Variants in DLG2 observed in about 807,000 individuals in gnomAD.
The protein encoded by DLG2 is disks large homolog 2.
A neutral mutation model predicts 132.5 loss-of-function variants in DLG2; 45 were observed. That is an observed-to-expected ratio of 0.34 (90% CI 0.27 to 0.44). The LOEUF is 0.44. Among genes scored for constraint, DLG2 ranks in the 20% least tolerant of loss-of-function variants. The probability of loss-of-function intolerance (pLI) is 1.00; values close to 1 mark genes in which losing one functional copy is unlikely to be tolerated. For missense variants in DLG2, 1,045 were observed against 1,196.9 expected (o/e 0.87, Z 1.87); for synonymous variants, 424 against 419.6 (o/e 1.01, Z -0.13).
intron 6 of DLG2, among the ~76,000 whole-genome samples, chr11:85,003,274 T>C (rs1416285690): frequency 6.6e-6 from 1 of 152,138 alleles, no homozygotes; most frequent in Non-Finnish European, 1.5e-5. Flanking sequence ...AAAAAATTTC[T>C]GGGAGAATTG....
At chr11:85,104,514 G>C (rs2071379894) in intron 6 of DLG2, among the ~76,000 whole-genome samples, 1 of 151,812 alleles carries the variant, frequency 6.6e-6, no homozygotes, top group African/African-American at 2.4e-5. Flanking sequence ...CAAATCCATA[G>C]AAACAGAAAG....
At chr11:84,831,665 T>G (rs2079071162) in intron 6 of DLG2, among the ~76,000 whole-genome samples, 1 of 151,610 alleles carries the variant, frequency 6.6e-6, no homozygotes, top group Non-Finnish European at 1.5e-5. Flanking sequence ...AATTCAACAC[T>G]GCCTAATAAA....
At chr11:84,851,336 T>A (rs2082139590) in intron 6 of DLG2, among the ~76,000 whole-genome samples, 1 of 152,120 alleles carries the variant, frequency 6.6e-6, no homozygotes, top group Non-Finnish European at 1.5e-5. Context: ...TTATTTTTAT[T>A]GCTATATAGT....
intron 7 of DLG2, among the ~76,000 whole-genome samples, chr11:84,336,156 C>A (rs776090562): frequency 6.6e-6 from 1 of 152,086 alleles, no homozygotes; most frequent in Non-Finnish European, 1.5e-5. Flanking sequence ...TCTGAGTGCA[C>A]GCTTAGTTTG....
Position 83,891,880 on chromosome 11 carries a change from G to T in DLG2, c.1497-17392C>A, listed in dbSNP as rs1268317264. Among the ~76,000 whole-genome samples the T allele has an allele frequency of 2.0e-5, 3 of 152,164 alleles. No homozygotes were observed. The East Asian group carries it at 5.8e-4, about 29-fold the overall frequency. On this transcript the variant is annotated intron_variant, in intron 15 of 27. Coordinates refer to ENST00000376104, the MANE Select transcript of DLG2 (RefSeq NM_001142699.3). ...CTTCATGGGATCTGTTAGTCTGTTTGTATTAGCCTCATGGAAAAGCCCCAG... is the reference window on the plus strand; with the variant it reads ...CTTCATGGGATCTGTTAGTCTGTTTTTATTAGCCTCATGGAAAAGCCCCAG...
chr11:84,531,541 ACC>A (rs1284877117), intron 7 of DLG2, among the ~76,000 whole-genome samples: 1 of 152,202 alleles, frequency 6.6e-6, no homozygotes, highest in African/African-American at 2.4e-5. Context: ...CATAAACAAC[ACC>A]TCGAGAAGGT....
At chr11:83,678,467 G>T (rs1197927103) in intron 18 of DLG2, among the ~76,000 whole-genome samples, 2 of 152,152 alleles carry the variant, frequency 1.3e-5, no homozygotes, top group African/African-American at 4.8e-5. Context: ...TCATGCAGAT[G>T]TGTGGACATC....
chr11:85,000,012 C>CT (rs5793150), intron 6 of DLG2, among the ~76,000 whole-genome samples: 107,307 of 151,866 alleles, frequency 0.71, 38,910 homozygotes, highest in East Asian at 0.92. Flanking sequence ...TCAGATCTTC[C>CT]CTTCAGCTCT....
At chr11:85,591,978 A>G (rs757726346) in intron 3 of DLG2, among the ~76,000 whole-genome samples, 4 of 152,222 alleles carry the variant, frequency 2.6e-5, no homozygotes, top group Non-Finnish European at 5.9e-5. Context: ...TGCAAATCCT[A>G]TTAATAACAA....
intron 6 of DLG2, among the ~76,000 whole-genome samples, chr11:84,952,341 C>T (rs2051042915): frequency 6.6e-6 from 1 of 152,008 alleles, no homozygotes; most frequent in Non-Finnish European, 1.5e-5. Flanking sequence ...CACGGTGAAA[C>T]CCCGTCTCTA....
At chr11:84,591,886 C>T (rs952097639) in intron 6 of DLG2, among the ~76,000 whole-genome samples, 3 of 152,114 alleles carry the variant, frequency 2.0e-5, no homozygotes, top group East Asian at 3.9e-4. Flanking sequence ...GACAGTCTTG[C>T]TCTGTCACCC....
chr11:83,588,566 T>G (rs2097133143), intron 19 of DLG2, among the ~76,000 whole-genome samples: 1 of 151,608 alleles, frequency 6.6e-6, no homozygotes, highest in African/African-American at 2.4e-5. Context: ...AACTGGAAAC[T>G]CTAAAAAGCA....
chr11:84,593,355 T>C (rs2099548674), intron 6 of DLG2, among the ~76,000 whole-genome samples: 1 of 152,164 alleles, frequency 6.6e-6, no homozygotes. Context: ...GTATGTATAT[T>C]GCAGCACTGT....
At chr11:85,584,802 T>C (rs1299483004) in intron 3 of DLG2, among the ~76,000 whole-genome samples, 1 of 152,230 alleles carries the variant, frequency 6.6e-6, no homozygotes, top group Non-Finnish European at 1.5e-5. Flanking sequence ...ATATCTTCTT[T>C]TGAGAATTAT....
chr11:84,664,228 T>C (rs1344624960), intron 6 of DLG2, among the ~76,000 whole-genome samples: 2 of 152,170 alleles, frequency 1.3e-5, no homozygotes, highest in East Asian at 3.9e-4. Flanking sequence ...TTTGTGTACA[T>C]ATCGTTCCCT....
At chr11:84,323,638 C>A (rs1397853717) in intron 7 of DLG2, among the ~76,000 whole-genome samples, 1 of 151,792 alleles carries the variant, frequency 6.6e-6, no homozygotes, top group African/African-American at 2.4e-5. Flanking sequence ...AGCAACCGTA[C>A]CATTTTACAT....
chr11:83,640,354 G>T (rs1352511458), intron 18 of DLG2, among the ~76,000 whole-genome samples: 1 of 152,036 alleles, frequency 6.6e-6, no homozygotes, highest in Non-Finnish European at 1.5e-5. Flanking sequence ...TAGTCTGTTG[G>T]GGGTCACAAT....
At chr11:83,554,918 G>C (rs1221589512) in intron 19 of DLG2, among the ~76,000 whole-genome samples, 1 of 152,206 alleles carries the variant, frequency 6.6e-6, no homozygotes, top group African/African-American at 2.4e-5. Context: ...GGTATTTGGG[G>C]ATACAGTGTG....
At chr11:84,714,601 C>CTCTTTCTCTTTCTCTTTCTCTT (rs2060916306) in intron 6 of DLG2, among the ~76,000 whole-genome samples, 8 of 95,532 alleles carry the variant, frequency 8.4e-5, no homozygotes, top group Admixed American at 4.9e-4. Context: ...CTCTTTCTTT[C>CTCTTTCTCTTTCTCTTTCTCTT]TCTTTCTCTT....
Sources: allele counts gnomAD v4.1 joint callset (sites outside exome capture counted in the v4.1 genomes callset), GRCh38; gene constraint gnomAD v4.1.1; transcripts MANE v1.5; gene names NCBI Gene and HGNC (gene_info 2026-07-23, HGNC 2026-07-21).